Variants in PELI2 observed in about 807,000 individuals in gnomAD.
The protein encoded by PELI2 is pellino E3 ubiquitin protein ligase family member 2.
Under a neutral mutation model 42.3 loss-of-function variants are expected in PELI2, and 23 were observed. The ratio of observed to expected loss-of-function variants is 0.54; its 90% CI spans 0.39 to 0.77. The LOEUF (loss-of-function observed/expected upper bound fraction) is 0.77, where lower values mean the gene tolerates loss of function less well. PELI2 is among the 30% of genes least tolerant of loss of function. The pLI is 0.00. For synonymous variants in PELI2, 245 were observed against 212.2 expected, an observed-to-expected ratio of 1.15 and a Z score of -1.34; for missense variants, 463 against 553.2, an observed-to-expected ratio of 0.84 and a Z score of 1.64.
intron 1 of PELI2, among the ~76,000 whole-genome samples, chr14:56,153,425 G>T (rs953737685): frequency 2.6e-5 from 4 of 152,164 alleles, no homozygotes; most frequent in Non-Finnish European, 5.9e-5. Flanking sequence ...CAAGAAGATG[G>T]TCACTGGTGA....
At chr14:56,232,295 A>C (rs1887612293) in intron 2 of PELI2, among the ~76,000 whole-genome samples, 1 of 152,126 alleles carries the variant, frequency 6.6e-6, no homozygotes, top group Admixed American at 6.5e-5. Flanking sequence ...AGCCAGGCAG[A>C]GACACAACAA....
At chr14:56,144,878 G>T in intron 1 of PELI2, 1 of 638,050 alleles carries the variant, frequency 1.6e-6, no homozygotes, top group Middle Eastern at 8.0e-4. Flanking sequence ...AGGAATAAAA[G>T]GAATAAGGAT....
chr14:56,142,553 T>A (rs1883952185), intron 1 of PELI2, among the ~76,000 whole-genome samples: 1 of 152,228 alleles, frequency 6.6e-6, no homozygotes, highest in Non-Finnish European at 1.5e-5. Flanking sequence ...CACACCCTTC[T>A]CTTTGCATAC....
At chr14:56,247,527 CT>C (rs1280438434) in intron 2 of PELI2, among the ~76,000 whole-genome samples, 2 of 152,246 alleles carry the variant, frequency 1.3e-5, no homozygotes, top group East Asian at 3.9e-4. Context: ...TACATTTGGC[CT>C]GTTTTTATAA....
At chr14:56,277,193 G>T (rs765934097) in intron 2 of PELI2, among the ~76,000 whole-genome samples, 5 of 152,140 alleles carry the variant, frequency 3.3e-5, no homozygotes, top group Non-Finnish European at 7.4e-5. Flanking sequence ...GAACTGGGCC[G>T]CACAGCAGGA....
intron 2 of PELI2, among the ~76,000 whole-genome samples, chr14:56,181,603 A>G (rs987689002): frequency 6.6e-6 from 1 of 152,020 alleles, no homozygotes; most frequent in African/African-American, 2.4e-5. Context: ...TCCCTCCACC[A>G]CAACAATCAT....
intron 1 of PELI2, among the ~76,000 whole-genome samples, chr14:56,168,998 T>C (rs1380343407): frequency 6.6e-6 from 1 of 152,130 alleles, no homozygotes; most frequent in Non-Finnish European, 1.5e-5. Flanking sequence ...AATGGGGACC[T>C]CATGACTCTG....
chr14:56,252,248 C>T (rs987657487), intron 2 of PELI2, among the ~76,000 whole-genome samples: 7 of 152,276 alleles, frequency 4.6e-5, no homozygotes, highest in Non-Finnish European at 1.0e-4. Flanking sequence ...AAATTATTTT[C>T]ATAGCTAATG....
In PELI2 at chr14:56,298,638, A is replaced by T. The variant is rs1793762788; in HGVS notation, c.*1472A>T. The stretch of plus-strand genomic sequence containing the variant: ...TCCATACTTGAATTGGTTTTTTCGT[A>T]TTTTGCCTACTGGCAAATATTTTGC... On this transcript the variant is annotated 3_prime_UTR_variant, in exon 6 of 6. Coordinates refer to ENST00000267460, the MANE Select transcript of PELI2 (RefSeq NM_021255.3). 2.6e-5 allele frequency: 4 copies of T among 152,596 alleles called. No individual in the cohort carries two copies. The South Asian group carries it at 8.3e-4, about 32-fold the overall frequency. The allele number at this position is 152,596 out of a possible 1,614,324, so 9.5% of individuals were successfully genotyped here.
chr14:56,247,044 A>G (rs554047320), intron 2 of PELI2, among the ~76,000 whole-genome samples: 56 of 152,312 alleles, frequency 3.7e-4, no homozygotes, highest in Admixed American at 3.3e-4. Context: ...CAGAGATACG[A>G]ATGTGTACCT....
intron 2 of PELI2, among the ~76,000 whole-genome samples, chr14:56,274,222 A>G (rs760404477): frequency 6.6e-6 from 1 of 152,158 alleles, no homozygotes; most frequent in Non-Finnish European, 1.5e-5. Flanking sequence ...AAGGCAACCA[A>G]CAGTGTCTGC....
chr14:56,291,811 G>C (rs1889840272), intron 5 of PELI2, among the ~76,000 whole-genome samples: 1 of 152,258 alleles, frequency 6.6e-6, no homozygotes, highest in African/African-American at 2.4e-5. Flanking sequence ...TCATGGATGA[G>C]GAAGATGTGG....
intron 2 of PELI2, among the ~76,000 whole-genome samples, chr14:56,258,894 A>G (rs1888615651): frequency 2.0e-5 from 3 of 152,126 alleles, no homozygotes; most frequent in African/African-American, 7.2e-5. Context: ...AAAGAAAACT[A>G]TAGTAAGACA....
intron 1 of PELI2, among the ~76,000 whole-genome samples, chr14:56,166,308 T>G (rs1237027356): frequency 6.6e-6 from 1 of 152,226 alleles, no homozygotes; most frequent in Non-Finnish European, 1.5e-5. Flanking sequence ...TTTGTTGTTC[T>G]GTTTATGTCT....
chr14:56,181,873 T>TG (rs1256492112), intron 2 of PELI2, among the ~76,000 whole-genome samples: 66 of 149,668 alleles, frequency 4.4e-4, no homozygotes, highest in African/African-American at 1.0e-3. Flanking sequence ...TGTGTGTGTG[T>TG]TTTTAAATTA....
chr14:56,279,595 G>C (rs1485226224), intron 2 of PELI2, 81 bp from the exon 3 acceptor site: 1 of 752,538 alleles, frequency 1.3e-6, no homozygotes, highest in African/African-American at 1.8e-5. Flanking sequence ...TGCCAGTAGA[G>C]TGGTGGCTCA....
chr14:56,182,171 A>G (rs777330366), intron 2 of PELI2, among the ~76,000 whole-genome samples: 9 of 151,980 alleles, frequency 5.9e-5, no homozygotes, highest in Non-Finnish European at 1.0e-4. Context: ...AGGACCTCTA[A>G]AAAAGTGGTG....
intron 2 of PELI2, among the ~76,000 whole-genome samples, chr14:56,238,817 G>A (rs1312245423): frequency 6.6e-6 from 1 of 152,186 alleles, no homozygotes; most frequent in Non-Finnish European, 1.5e-5. Flanking sequence ...TAACCAGGAG[G>A]ATTTGTGGGT....
At chr14:56,259,803 A>G (rs749349166) in intron 2 of PELI2, among the ~76,000 whole-genome samples, 6 of 152,174 alleles carry the variant, frequency 3.9e-5, no homozygotes, top group Non-Finnish European at 8.8e-5. Context: ...TACAAGACCA[A>G]TGTACAAAAA....
Sources: allele counts gnomAD v4.1 joint callset (sites outside exome capture counted in the v4.1 genomes callset), GRCh38; gene constraint gnomAD v4.1.1; transcripts MANE v1.5; gene names NCBI Gene and HGNC (gene_info 2026-07-23, HGNC 2026-07-21).